BLVRA: variants seen among roughly 807,000 people sequenced by gnomAD.
The protein encoded by BLVRA is biliverdin reductase A.
In BLVRA, 22 loss-of-function variants were observed where a neutral mutation model predicts 32.8. The ratio of observed to expected loss-of-function variants is 0.67; its 90% CI spans 0.48 to 0.96. The LOEUF is 0.96. Ranked by LOEUF, BLVRA falls within the 40% of genes least tolerant of loss-of-function variation. The pLI is 0.00. For synonymous variants in BLVRA, 119 were observed against 141.3 expected (o/e 0.84, Z 1.12); for missense variants, 323 against 358.1 (o/e 0.90, Z 0.79).
Position 43,785,582 on chromosome 7 carries a change from T to G in BLVRA, c.13-2322T>G, listed in dbSNP as rs527732714. 1.1e-4 allele frequency among the ~76,000 whole-genome samples: 16 copies of G among 152,282 alleles called. No homozygotes were observed. The South Asian group carries it at 3.3e-3, about 32-fold the overall frequency. On this transcript the variant is annotated intron_variant, in intron 2 of 7. Coordinates refer to ENST00000265523, the MANE Select transcript of BLVRA (RefSeq NM_000712.4). The stretch of plus-strand genomic sequence containing the variant: ...AGTCATAGGAGACAGTTCAGTCAGA[T>G]GTGTGAGCCAAGGCCAGTGTATGGT...
chr7:43,804,631 G>A (rs1002863261), intron 7 of BLVRA, among the ~76,000 whole-genome samples: 2 of 152,120 alleles, frequency 1.3e-5, no homozygotes, highest in African/African-American at 4.8e-5. Context: ...TCACCCCTCA[G>A]TGCAGCCAGA....
At position 43,807,140 on chromosome 7, in the gene BLVRA, T is replaced by C. The variant is rs2095804814; in HGVS notation, c.796T>C (p.Phe266Leu). Residue 266 changes from phenylalanine to leucine, a missense_variant, in exon 8 of 8, where the codon TTC becomes CTC. Phe to Leu is a conservative substitution (Grantham distance 22). Transcript: ENST00000265523. ...ATTTGTCCAGAAACTCTTGGGCCAG[T>C]TCTCTGAGAAGGAACTGGCTGCTGA... The part of the protein sequence containing the change: ...NIFVQKLLGQ[F>L]SEKELAAEKK... 1 of 1,613,988 alleles carries C rather than the reference T, an allele frequency of 6.2e-7. No homozygotes were observed. The highest frequency in any genetic ancestry group is 8.5e-7 in the Non-Finnish European group (1 of 1,180,040).
intron 2 of BLVRA, among the ~76,000 whole-genome samples, chr7:43,782,910 G>A (rs1366363341): frequency 6.6e-6 from 1 of 152,012 alleles, no homozygotes; most frequent in Non-Finnish European, 1.5e-5. Context: ...GAAGCAGGGA[G>A]GTATGGGAGT....
intron 1 of BLVRA, among the ~76,000 whole-genome samples, chr7:43,761,111 T>G (rs1012914251): frequency 6.6e-6 from 1 of 152,300 alleles, no homozygotes; most frequent in Admixed American, 6.5e-5. Flanking sequence ...CTACATTACA[T>G]GAGCTGCTAG....
intron 5 of BLVRA, among the ~76,000 whole-genome samples, chr7:43,796,930 C>T (rs868221206): frequency 3.9e-5 from 6 of 152,126 alleles, no homozygotes; most frequent in South Asian, 2.1e-4. Context: ...GTTATTCAGA[C>T]GGCAAACAAT....
intron 2 of BLVRA, among the ~76,000 whole-genome samples, chr7:43,786,124 A>G (rs894523039): frequency 2.0e-5 from 3 of 152,226 alleles, no homozygotes; most frequent in Admixed American, 2.0e-4. Context: ...AGACCTAACT[A>G]TATGCTGCCT....
intron 5 of BLVRA, among the ~76,000 whole-genome samples, chr7:43,795,128 T>C (rs928895031): frequency 6.6e-6 from 1 of 152,194 alleles, no homozygotes; most frequent in Non-Finnish European, 1.5e-5. Context: ...CGAGAATCGC[T>C]TGAACCCAGG....
intron 2 of BLVRA, among the ~76,000 whole-genome samples, chr7:43,771,595 C>T (rs2095754687): frequency 6.6e-6 from 1 of 152,246 alleles, no homozygotes; most frequent in Non-Finnish European, 1.5e-5. Flanking sequence ...CCATCAGCCC[C>T]TTCCTCTGTT....
intron 5 of BLVRA, among the ~76,000 whole-genome samples, chr7:43,793,348 T>G (rs543245377): frequency 6.6e-6 from 1 of 151,990 alleles, no homozygotes; most frequent in Non-Finnish European, 1.5e-5. Flanking sequence ...TAGAAAAATA[T>G]GGCTCAAAGA....
chr7:43,802,274 G>T (rs2095799454), intron 6 of BLVRA, among the ~76,000 whole-genome samples: 1 of 152,096 alleles, frequency 6.6e-6, no homozygotes, highest in South Asian at 2.1e-4. Flanking sequence ...TCTAATTTTT[G>T]TTTGGTTTTA....
chr7:43,784,817 G>C (rs750555111), intron 2 of BLVRA, among the ~76,000 whole-genome samples: 1 of 151,778 alleles, frequency 6.6e-6, no homozygotes, highest in Non-Finnish European at 1.5e-5. Flanking sequence ...TATGTTGGTC[G>C]GGCAAGTCTG....
intron 5 of BLVRA, among the ~76,000 whole-genome samples, chr7:43,795,135 C>G (rs1225120536): frequency 6.6e-6 from 1 of 152,064 alleles, no homozygotes; most frequent in African/African-American, 2.4e-5. Flanking sequence ...CGCTTGAACC[C>G]AGGAGGTGGA....
chr7:43,794,074 C>T (rs2095789122), intron 5 of BLVRA, among the ~76,000 whole-genome samples: 1 of 151,914 alleles, frequency 6.6e-6, no homozygotes, highest in African/African-American at 2.4e-5. Context: ...GAAACCCCAT[C>T]TCTACTGAAA....
chr7:43,762,228 T>C (rs1287668081), intron 1 of BLVRA, among the ~76,000 whole-genome samples: 1 of 152,102 alleles, frequency 6.6e-6, no homozygotes, highest in Non-Finnish European at 1.5e-5. Context: ...TCTTTGTGTA[T>C]GTGTAGTTGG....
At chr7:43,767,713 A>T in intron 1 of BLVRA, 2 of 430,422 alleles carry the variant, frequency 4.6e-6, no homozygotes, top group Non-Finnish European at 4.4e-6. Flanking sequence ...AGTCTTAAGG[A>T]GTCATGTTTG....
In BLVRA at chr7:43,800,902, A is replaced by G. The variant is rs1484133157; in HGVS notation, c.460+330A>G. 2.6e-5 allele frequency among the ~76,000 whole-genome samples: 4 copies of G among 152,172 alleles called. No homozygotes were observed. The East Asian group carries it at 7.7e-4, about 29-fold the overall frequency. Reference sequence around the variant, plus strand: ...TATACTTCCTTGCAAAGCAAATATAATATGAAGAGCTCCCTTCCTCCTCTA... The same window carrying G: ...TATACTTCCTTGCAAAGCAAATATAGTATGAAGAGCTCCCTTCCTCCTCTA... On this transcript the variant is annotated intron_variant, in intron 6 of 7. Transcript: ENST00000265523.
intron 7 of BLVRA, among the ~76,000 whole-genome samples, chr7:43,806,261 G>A (rs1339794140): frequency 1.3e-5 from 2 of 152,180 alleles, no homozygotes; most frequent in East Asian, 3.9e-4. Context: ...GCAGTGAGCC[G>A]AGATTGCACC....
At chr7:43,775,025 TAAG>T (rs1402002382) in intron 2 of BLVRA, among the ~76,000 whole-genome samples, 13 of 152,178 alleles carry the variant, frequency 8.5e-5, no homozygotes, top group Non-Finnish European at 1.6e-4. Context: ...CTTATCAGCT[TAAG>T]GAGATTTTGG....
intron 5 of BLVRA, among the ~76,000 whole-genome samples, chr7:43,796,701 A>G (rs934762005): frequency 6.6e-6 from 1 of 152,214 alleles, no homozygotes; most frequent in Non-Finnish European, 1.5e-5. Context: ...AAAACAGACA[A>G]ATGGACTAAT....
Sources: gnomAD v4.1 joint callset for allele counts (sites outside exome capture counted in the v4.1 genomes callset) on GRCh38, gnomAD v4.1.1 for gene constraint, MANE v1.5 for transcripts, NCBI Gene and HGNC (gene_info 2026-07-23, HGNC 2026-07-21) for gene names.